Variants in ACTR3B observed in about 807,000 individuals in gnomAD.
ACTR3B encodes actin-related protein 3B.
Under a neutral mutation model 59.0 loss-of-function variants are expected in ACTR3B, and 8 were observed. The ratio of observed to expected loss-of-function variants is 0.14; its 90% CI spans 0.08 to 0.24. ACTR3B has a LOEUF of 0.24. Among genes scored for constraint, ACTR3B ranks in the 10% least tolerant of loss-of-function variants. The pLI is 1.00. For synonymous variants in ACTR3B, 148 were observed against 197.9 expected (o/e 0.75, Z 2.12); for missense variants, 245 against 552.3 (o/e 0.44, Z 5.58).
At chr7:152,800,469 T>A in intron 2 of ACTR3B, 62 bp from the exon 3 acceptor site, 1 of 1,581,650 alleles carries the variant, frequency 6.3e-7, no homozygotes, top group Middle Eastern at 1.7e-4. Context: ...ATATTATCCC[T>A]TTTGATCATT....
chr7:152,808,530 T>C (rs1341982043), intron 4 of ACTR3B, among the ~76,000 whole-genome samples: 1 of 152,114 alleles, frequency 6.6e-6, no homozygotes, highest in Non-Finnish European at 1.5e-5. Flanking sequence ...CTGATTCTTG[T>C]TGGTGATGTC....
intron 4 of ACTR3B, among the ~76,000 whole-genome samples, chr7:152,805,935 A>G (rs2098250908): frequency 6.6e-6 from 1 of 151,818 alleles, no homozygotes; most frequent in African/African-American, 2.4e-5. Flanking sequence ...ATCCAGAAAT[A>G]TGGGTTGGTT....
At chr7:152,837,830 G>GT (rs1443920422) in intron 9 of ACTR3B, among the ~76,000 whole-genome samples, 1 of 151,968 alleles carries the variant, frequency 6.6e-6, no homozygotes, top group African/African-American at 2.4e-5. Context: ...TATTTCTTAT[G>GT]TTTTCAAGCA....
At chr7:152,832,812 T>C (rs1190868982) in intron 9 of ACTR3B, among the ~76,000 whole-genome samples, 1 of 152,216 alleles carries the variant, frequency 6.6e-6, no homozygotes, top group Non-Finnish European at 1.5e-5. Flanking sequence ...GAAATCTCAG[T>C]TTTTGTTCTT....
intron 1 of ACTR3B, 148 bp from the exon 2 acceptor site, chr7:152,783,039 A>G: frequency 2.1e-6 from 1 of 476,866 alleles, no homozygotes; most frequent in African/African-American, 2.2e-5. Flanking sequence ...CTCAGTGATC[A>G]CAAGTTTTTT....
At position 152,759,860 on chromosome 7, in the gene ACTR3B, G is replaced by GCCGAGCGCCGCGCGTC; in HGVS notation, c.-16_-1dup. The GCCGAGCGCCGCGCGTC allele has an allele frequency of 7.7e-7, 1 of 1,292,574 alleles. No individual in the cohort carries two copies. Among genetic ancestry groups the GCCGAGCGCCGCGCGTC allele is most frequent in the Non-Finnish European group, 9.9e-7 (1 of 1,013,014 alleles). 80.1% of individuals were successfully genotyped at this position (1,292,574 alleles called of 1,614,324 possible). ...GGGGCGCTCTCGGGCTGCCGGCGGG[G>GCCGAGCGCCGCGCGTC]CCGAGCGCCGCGCGTCCCGAGCATG... On this transcript the variant is annotated 5_prime_UTR_variant, in exon 1 of 12. Coordinates refer to ENST00000256001, the MANE Select transcript of ACTR3B (RefSeq NM_020445.6).
chr7:152,823,552 A>G, intron 8 of ACTR3B, 37 bp downstream of exon 8: 1 of 1,605,356 alleles, frequency 6.2e-7, no homozygotes, highest in South Asian at 1.1e-5. Context: ...CAAGTGTGGG[A>G]TGGAGCGATA....
intron 1 of ACTR3B, among the ~76,000 whole-genome samples, chr7:152,764,434 C>G (rs1345909466): frequency 6.6e-6 from 1 of 151,692 alleles, no homozygotes; most frequent in Non-Finnish European, 1.5e-5. Flanking sequence ...GAGATCGAGA[C>G]CATCCTGGCT....
At chr7:152,805,720 T>G (rs2098250272) in intron 4 of ACTR3B, among the ~76,000 whole-genome samples, 1 of 152,196 alleles carries the variant, frequency 6.6e-6, no homozygotes, top group Non-Finnish European at 1.5e-5. Context: ...CTAGCCAGTG[T>G]AGACCTAGCC....
chr7:152,852,175 G>T lies in ACTR3B; in HGVS notation c.1001G>T (p.Arg334Leu). ...GSTMFRDFGR[R>L]LQRDLKRVVD... ...ACCATGTTCAGGGATTTCGGACGCC[G>T]ACTGCAGAGGGATTTGAAGAGAGTG... The change falls in exon 10 of 12, where the codon CGA (arginine) becomes CTA (leucine). Residue 334 changes from arginine (R) to leucine (L), a missense_variant. Arg to Leu is a moderately radical substitution (Grantham distance 102). Transcript: ENST00000256001. 6.2e-7 allele frequency: 1 copy of T among 1,614,018 alleles called. No homozygotes were observed. The highest frequency in any genetic ancestry group is 1.1e-5 in the South Asian group (1 of 91,046).
chr7:152,829,125 A>G (rs1007624898), intron 9 of ACTR3B, among the ~76,000 whole-genome samples: 12 of 151,976 alleles, frequency 7.9e-5, no homozygotes, highest in African/African-American at 2.9e-4. Flanking sequence ...TGATGATTTG[A>G]TACAGGTATG....
rs1260733055 is a variant in ACTR3B at position 152,852,202 on chromosome 7, T to G, written c.1028T>G (p.Val343Gly). 2 of 1,613,670 alleles carry G rather than the reference T, an allele frequency of 1.2e-6. No individual in the cohort carries two copies. The highest frequency in any genetic ancestry group is 1.7e-6 in the Non-Finnish European group (2 of 1,179,884). The change falls in exon 10 of 12, where the codon GTG becomes GGG. Residue 343 changes from valine to glycine, a missense_variant. Physicochemically the swap from Val to Gly is moderately radical, Grantham distance 109. Coordinates refer to ENST00000256001, the MANE Select transcript of ACTR3B (RefSeq NM_020445.6). ...RRLQRDLKRVVDARLRLSEEL... is the reference protein window; with the variant it reads ...RRLQRDLKRVGDARLRLSEEL... ...CTGCAGAGGGATTTGAAGAGAGTGGTGGATGCTAGGCTGAGGCTCAGCGAG... is the reference window on the plus strand; with the variant it reads ...CTGCAGAGGGATTTGAAGAGAGTGGGGGATGCTAGGCTGAGGCTCAGCGAG...
At chr7:152,852,101 G>T (rs1390031957) in intron 9 of ACTR3B, 25 bp from the exon 10 acceptor site, 1 of 1,613,778 alleles carries the variant, frequency 6.2e-7, no homozygotes, top group Non-Finnish European at 8.5e-7. Flanking sequence ...TTTACCCAGG[G>T]CTCCCTCTGC....
At chr7:152,837,349 C>G (rs1797547765) in intron 9 of ACTR3B, among the ~76,000 whole-genome samples, 1 of 152,220 alleles carries the variant, frequency 6.6e-6, no homozygotes, top group African/African-American at 2.4e-5. Flanking sequence ...GCTTTTTCCT[C>G]ACTCTGAAGG....
At chr7:152,788,076 C>A (rs1407391670) in intron 2 of ACTR3B, among the ~76,000 whole-genome samples, 2 of 151,722 alleles carry the variant, frequency 1.3e-5, no homozygotes, top group Non-Finnish European at 2.9e-5. Context: ...AGGCACCCAC[C>A]ACCACGTCCA....
At chr7:152,811,067 G>A (rs1795196348) in intron 4 of ACTR3B, 2 of 150,040 alleles carry the variant, frequency 1.3e-5, no homozygotes, top group Admixed American at 1.3e-4. Flanking sequence ...TTTAGTGATG[G>A]GTATTTAGGT....
At chr7:152,782,291 C>A (rs2098156688) in intron 1 of ACTR3B, among the ~76,000 whole-genome samples, 1 of 149,768 alleles carries the variant, frequency 6.7e-6, no homozygotes. Context: ...GCTTGGTTGT[C>A]CAGACGTTAC....
intron 9 of ACTR3B, among the ~76,000 whole-genome samples, chr7:152,850,655 C>G (rs117162275): frequency 5.3e-5 from 8 of 152,242 alleles, no homozygotes; most frequent in Admixed American, 6.5e-5. Context: ...AAAAATGATC[C>G]CTTTGTAGTC....
intron 5 of ACTR3B, among the ~76,000 whole-genome samples, chr7:152,814,957 A>C (rs1451491930): frequency 6.6e-6 from 1 of 152,010 alleles, no homozygotes; most frequent in East Asian, 1.9e-4. Flanking sequence ...GACTTTGATC[A>C]GAAAAACAAA....
Sources: allele counts gnomAD v4.1 joint callset (sites outside exome capture counted in the v4.1 genomes callset), GRCh38; gene constraint gnomAD v4.1.1; transcripts MANE v1.5; gene names NCBI Gene and HGNC (gene_info 2026-07-23, HGNC 2026-07-21).